Variants in BLM observed in about 807,000 individuals in gnomAD.
BLM encodes recQ-like DNA helicase BLM.
In BLM, 95 loss-of-function variants were observed where a neutral mutation model predicts 135.3. The ratio of observed to expected loss-of-function variants is 0.70; its 90% CI spans 0.59 to 0.83. BLM has a LOEUF of 0.83. Among genes scored for constraint, BLM ranks in the 40% least tolerant of loss-of-function variants. The pLI is 0.00. For synonymous variants in BLM, 520 were observed against 589.2 expected (o/e 0.88, Z 1.70); for missense variants, 1,518 against 1,663.9 (o/e 0.91, Z 1.53).
intron 14 of BLM, among the ~76,000 whole-genome samples, chr15:90,789,987 GTTTTT>G (rs61059865): frequency 0.014 from 779 of 57,332 alleles, 22 homozygotes; most frequent in African/African-American, 0.038. Context: ...AGTCCCTGGT[GTTTTT>G]TTTTTTTTTT....
At chr15:90,733,948 T>C (rs1363253216) in intron 1 of BLM, among the ~76,000 whole-genome samples, 1 of 152,152 alleles carries the variant, frequency 6.6e-6, no homozygotes, top group Non-Finnish European at 1.5e-5. Flanking sequence ...TCGGTTTTTA[T>C]GAAGCAAGTA....
At chr15:90,732,902 T>C (rs1895105756) in intron 1 of BLM, among the ~76,000 whole-genome samples, 1 of 152,182 alleles carries the variant, frequency 6.6e-6, no homozygotes, top group Non-Finnish European at 1.5e-5. Context: ...AAGACTATCC[T>C]GTCCAACACG....
chr15:90,771,230 T>C (rs145663563), intron 12 of BLM, among the ~76,000 whole-genome samples: 1,525 of 152,360 alleles, frequency 0.01, 14 homozygotes, highest in Non-Finnish European at 0.015. Context: ...CTCATGCCTG[T>C]AATCCCAGCA....
intron 13 of BLM, among the ~76,000 whole-genome samples, chr15:90,783,186 G>C (rs528195890): frequency 6.6e-6 from 1 of 152,086 alleles, no homozygotes; most frequent in Non-Finnish European, 1.5e-5. Flanking sequence ...TGGTTTCAAT[G>C]TCTTTCCTCA....
chr15:90,802,907 T>C (rs1239668368), intron 17 of BLM, among the ~76,000 whole-genome samples: 2 of 152,338 alleles, frequency 1.3e-5, no homozygotes, highest in Non-Finnish European at 2.9e-5. Context: ...TGTATGCCTG[T>C]ATCAAAATAT....
In BLM at chr15:90,765,207, C is replaced by T. The variant is rs886202625; in HGVS notation, c.2075-89C>T. Reference sequence around the variant, plus strand: ...CACCAGGGACAATATGCCTTGGTGTCCTATTAATGATATGATTTCTTTTGT... The same window carrying T: ...CACCAGGGACAATATGCCTTGGTGTTCTATTAATGATATGATTTCTTTTGT... On this transcript the variant is annotated intron_variant, in intron 8 of 21. Coordinates refer to ENST00000355112, the MANE Select transcript of BLM (RefSeq NM_000057.4). The T allele has an allele frequency of 2.3e-5, 24 of 1,037,588 alleles. No individual in the cohort carries two copies. In the African/African-American group the frequency reaches 2.4e-4, roughly 10 times the overall value. The allele number at this position is 1,037,588 out of a possible 1,614,324, so 64.3% of individuals were successfully genotyped here. A position where few individuals can be genotyped will look rare whatever the true frequency, so the allele number is the denominator to read the frequency against.
At chr15:90,804,135 C>G in intron 18 of BLM, 32 bp from the exon 19 acceptor site, 1 of 1,588,156 alleles carries the variant, frequency 6.3e-7, no homozygotes. Flanking sequence ...GCACATATAC[C>G]CACTCCTATG....
intron 5 of BLM, 123 bp from the exon 6 acceptor site, chr15:90,760,023 TA>T (rs1441698064): frequency 1.1e-6 from 1 of 875,398 alleles, no homozygotes; most frequent in Non-Finnish European, 1.8e-6. Flanking sequence ...CTCCTGGACT[TA>T]AGCAATCCTC....
chr15:90,739,951 G>T (rs774559212), intron 1 of BLM, among the ~76,000 whole-genome samples: 1 of 152,042 alleles, frequency 6.6e-6, no homozygotes, highest in Non-Finnish European at 1.5e-5. Flanking sequence ...TTTTTGTAGA[G>T]ATGGGGTTTC....
chr15:90,752,013 T>C, intron 4 of BLM, 67 bp downstream of exon 4: 1 of 1,357,158 alleles, frequency 7.4e-7, no homozygotes, highest in South Asian at 1.3e-5. Flanking sequence ...TAATTTAGTT[T>C]ATAATATCAT....
chr15:90,732,535 T>G (rs1221916379), intron 1 of BLM, among the ~76,000 whole-genome samples: 1 of 148,270 alleles, frequency 6.7e-6, no homozygotes, highest in Non-Finnish European at 1.5e-5. Flanking sequence ...AAACAGAAAC[T>G]GAAATAAAGG....
intron 14 of BLM, among the ~76,000 whole-genome samples, chr15:90,787,112 C>T (rs1447328819): frequency 7.7e-6 from 1 of 129,308 alleles, no homozygotes; most frequent in Admixed American, 9.3e-5. Context: ...TGCAGTGGCG[C>T]GATCTCAGCT....
chr15:90,743,594 T>C (rs1254345515), intron 1 of BLM, among the ~76,000 whole-genome samples: 2 of 151,858 alleles, frequency 1.3e-5, no homozygotes, highest in African/African-American at 4.8e-5. Context: ...AGTGGCTGTT[T>C]ACAGGTGTGA....
At chr15:90,809,460 C>G (rs1352319801) in intron 20 of BLM, among the ~76,000 whole-genome samples, 3 of 152,114 alleles carry the variant, frequency 2.0e-5, no homozygotes, top group Non-Finnish European at 4.4e-5. Flanking sequence ...TCTGAACTTA[C>G]TCATAGGATC....
At chr15:90,753,215 C>T (rs1396267752) in intron 4 of BLM, among the ~76,000 whole-genome samples, 1 of 152,002 alleles carries the variant, frequency 6.6e-6, no homozygotes, top group East Asian at 1.9e-4. Context: ...CATTGCACTC[C>T]AGCCTGGGCA....
At chr15:90,736,700 AG>A (rs1435146344) in intron 1 of BLM, among the ~76,000 whole-genome samples, 3 of 152,248 alleles carry the variant, frequency 2.0e-5, no homozygotes, top group Non-Finnish European at 2.9e-5. Flanking sequence ...AGTACTGTAC[AG>A]CTGTAAAGAA....
At chr15:90,767,952 C>CTT (rs796611948) in intron 10 of BLM, among the ~76,000 whole-genome samples, 109 of 138,394 alleles carry the variant, frequency 7.9e-4, no homozygotes, top group African/African-American at 2.8e-3. Flanking sequence ...CTTTTTTTTT[C>CTT]TTTTTTTTTT....
At chr15:90,792,998 T>G (rs1896941876) in intron 15 of BLM, among the ~76,000 whole-genome samples, 1 of 150,990 alleles carries the variant, frequency 6.6e-6, no homozygotes, top group African/African-American at 2.4e-5. Flanking sequence ...TCCCAGCACT[T>G]TGGGAGGCCG....
chr15:90,813,038 G>A (rs2151200994), intron 21 of BLM, among the ~76,000 whole-genome samples: 1 of 152,268 alleles, frequency 6.6e-6, no homozygotes, highest in African/African-American at 2.4e-5. Context: ...TTTTGAAGAG[G>A]AAGCTTAGGC....
Sources: allele counts gnomAD v4.1 joint callset (sites outside exome capture counted in the v4.1 genomes callset), GRCh38; gene constraint gnomAD v4.1.1; transcripts MANE v1.5; gene names NCBI Gene and HGNC (gene_info 2026-07-23, HGNC 2026-07-21).